TYRO3: variants seen among roughly 807,000 people sequenced by gnomAD.
TYRO3 encodes the protein TYRO3 protein tyrosine kinase.
A neutral mutation model predicts 95.2 loss-of-function variants in TYRO3; 38 were observed. The observed-to-expected ratio is 0.40, with a 90% confidence interval of 0.31 to 0.52. The LOEUF (loss-of-function observed/expected upper bound fraction) is 0.52, where lower values mean the gene tolerates loss of function less well. Ranked by LOEUF, TYRO3 falls within the 20% of genes least tolerant of loss-of-function variation. The pLI is 0.56. For synonymous variants in TYRO3, 367 were observed against 432.9 expected (o/e 0.85, Z 1.89); for missense variants, 812 against 1,116.4 (o/e 0.73, Z 3.89).
chr15:41,569,297 T>TA lies in TYRO3; in HGVS notation c.1252+293dup, dbSNP rs35205912. On this transcript the variant is annotated intron_variant, in intron 9 of 18. Transcript: ENST00000263798. ...CAAGACTCTGTCTCTACAAAAAAATTAAAAAAAAAAAAAAAAAACAATTAG... is the reference window on the plus strand; with the variant it reads ...CAAGACTCTGTCTCTACAAAAAAATTAAAAAAAAAAAAAAAAAAACAATTAG... Among the ~76,000 whole-genome samples, 311 of 138,582 alleles carry TA rather than the reference T, an allele frequency of 2.2e-3. 1 individual carries two copies. Among genetic ancestry groups the TA allele is most frequent in the African/African-American group, 5.2e-3 (191 of 36,970 alleles). 90.9% of individuals were successfully genotyped at this position (138,582 alleles called of 152,430 possible).
At chr15:41,576,462 G>A (rs944994700) in intron 18 of TYRO3, among the ~76,000 whole-genome samples, 14 of 151,820 alleles carry the variant, frequency 9.2e-5, no homozygotes, top group African/African-American at 3.4e-4. Context: ...CAAAGGGCTG[G>A]GATGACAGGT....
rs735149 is a variant in TYRO3 at position 41,562,181 on chromosome 15, C to A, written c.410-367C>A. On this transcript the variant is annotated intron_variant, in intron 3 of 18. Coordinates refer to ENST00000263798, the MANE Select transcript of TYRO3 (RefSeq NM_006293.4). ...TCCAAATCTGCCATGCCTAAGGGGG[C>A]AGCATGGAAGATGTGTCTAAGGTGC... 1,536 of 190,880 alleles carry A rather than the reference C, an allele frequency of 8.0e-3. 28 individuals are homozygous for A. The highest frequency in any genetic ancestry group is 0.034 in the African/African-American group (1,442 of 42,214). The allele number at this position is 190,880 out of a possible 1,614,324, so 11.8% of individuals were successfully genotyped here.
chr15:41,578,013 T>C lies in TYRO3; in HGVS notation c.2410T>C (p.Tyr804His). The change falls in exon 19 of 19, where the codon TAC becomes CAC. Residue 804 changes from tyrosine (Y) to histidine (H), a missense_variant. Coordinates refer to ENST00000263798, the MANE Select transcript of TYRO3 (RefSeq NM_006293.4). Reference protein sequence around the residue: ...SVLSASQDPLYINIERAEEPT... With the variant: ...SVLSASQDPLHINIERAEEPT... ...GCTATCTGCCAGCCAGGACCCCTTATACATCAACATCGAGAGAGCTGAGGA... is the reference window on the plus strand; with the variant it reads ...GCTATCTGCCAGCCAGGACCCCTTACACATCAACATCGAGAGAGCTGAGGA... 1 of 1,614,066 alleles carries C rather than the reference T, an allele frequency of 6.2e-7. No homozygotes were observed. Among genetic ancestry groups the C allele is most frequent in the Non-Finnish European group, 8.5e-7 (1 of 1,180,034 alleles).
intron 15 of TYRO3, among the ~76,000 whole-genome samples, 173 bp from the exon 16 acceptor site, chr15:41,572,829 G>A (rs1158182901): frequency 1.3e-5 from 2 of 152,328 alleles, no homozygotes; most frequent in Non-Finnish European, 2.9e-5. Context: ...TCGTCTTCCA[G>A]GCTCCCTCTT....
chr15:41,560,426 T>C (rs866869646), intron 1 of TYRO3, among the ~76,000 whole-genome samples: 1,860 of 134,270 alleles, frequency 0.014, 40 homozygotes, highest in African/African-American at 0.045. Context: ...TGTGTGTGTG[T>C]GTGCGCGCGC....
Position 41,579,949 on chromosome 15 carries a change from G to A in TYRO3, c.*1673G>A, listed in dbSNP as rs2055905656. On this transcript the variant is annotated 3_prime_UTR_variant, in exon 19 of 19. Coordinates refer to ENST00000263798, the MANE Select transcript of TYRO3 (RefSeq NM_006293.4). ...ATTTTTTGTATTTTTAGTAGAGATA[G>A]GGTTTCACCGTATTAGCCAGGATGA... The A allele has an allele frequency of 6.6e-6, 1 of 151,356 alleles. No individual in the cohort carries two copies. Among genetic ancestry groups the A allele is most frequent in the Non-Finnish European group, 1.5e-5 (1 of 67,906 alleles). The allele number at this position is 151,356 out of a possible 1,614,324, so 9.4% of individuals were successfully genotyped here. A position where few individuals can be genotyped will look rare whatever the true frequency, so the allele number is the denominator to read the frequency against.
chr15:41,568,871 G>A lies in TYRO3; in HGVS notation c.1108-7G>A, dbSNP rs1490170549. Reference sequence around the variant, plus strand: ...CACTATGGGGTGGGGGCTTTTCCTGGCTGCAGGATGAGCTGACAGTGGAGG... The same window carrying A: ...CACTATGGGGTGGGGGCTTTTCCTGACTGCAGGATGAGCTGACAGTGGAGG... On this transcript the variant is annotated splice_region_variant and splice_polypyrimidine_tract_variant and intron_variant, in intron 8 of 18. Coordinates refer to ENST00000263798, the MANE Select transcript of TYRO3 (RefSeq NM_006293.4). The A allele has an allele frequency of 6.7e-7, 1 of 1,500,176 alleles. No homozygotes were observed. The highest frequency in any genetic ancestry group is 9.1e-7 in the Non-Finnish European group (1 of 1,101,760). 92.9% of individuals were successfully genotyped at this position (1,500,176 alleles called of 1,614,324 possible).
Position 41,571,656 on chromosome 15 carries a change from G to A in TYRO3, c.1722G>A (p.Glu574=), listed in dbSNP as rs2055797368. The A allele has an allele frequency of 6.2e-7, 1 of 1,613,750 alleles. No individual in the cohort carries two copies. The highest frequency in any genetic ancestry group is 8.5e-7 in the Non-Finnish European group (1 of 1,179,664). The change falls in exon 14 of 19, where the codon GAG becomes GAA. Residue 574 remains glutamate (E), a synonymous_variant. Transcript: ENST00000263798. ...EFLREAACMK[E]FDHPHVAKLV... Reference sequence around the variant, plus strand: ...TCAGGGAAGCAGCTTGCATGAAGGAGTTTGACCATCCACACGTGGCCAAAC... The same window carrying A: ...TCAGGGAAGCAGCTTGCATGAAGGAATTTGACCATCCACACGTGGCCAAAC...
chr15:41,575,847 GCTCACGCCC>G (rs1336499992), intron 18 of TYRO3, among the ~76,000 whole-genome samples: 1 of 152,138 alleles, frequency 6.6e-6, no homozygotes, highest in Non-Finnish European at 1.5e-5. Flanking sequence ...GGGGACGGTG[GCTCACGCCC>G]GTAATCCCAG....
At chr15:41,569,925 C>T in intron 9 of TYRO3, 102 bp from the exon 10 acceptor site, 4 of 1,459,168 alleles carry the variant, frequency 2.7e-6, no homozygotes, top group South Asian at 1.3e-5. Flanking sequence ...CCTTATTGAC[C>T]TAGAGGAGCC....
intron 1 of TYRO3, 103 bp downstream of exon 1, chr15:41,559,484 G>T (rs913575601): frequency 2.2e-5 from 6 of 273,056 alleles, no homozygotes; most frequent in Admixed American, 5.3e-5. Flanking sequence ...TCGGGGTGGG[G>T]GTCCGGAGCC....
At chr15:41,570,506 T>C in intron 11 of TYRO3, 98 bp from the exon 12 acceptor site, 1 of 1,348,224 alleles carries the variant, frequency 7.4e-7, no homozygotes, top group South Asian at 1.2e-5. Context: ...AGACCTAAGC[T>C]CATCTCTATG....
chr15:41,571,203 C>A, intron 13 of TYRO3, 85 bp downstream of exon 13: 1 of 1,334,056 alleles, frequency 7.5e-7, no homozygotes, highest in South Asian at 1.2e-5. Context: ...CTGCTTTGCC[C>A]CTAGATTTTC....
At chr15:41,563,565 T>G (rs974476511) in intron 4 of TYRO3, among the ~76,000 whole-genome samples, 3 of 152,060 alleles carry the variant, frequency 2.0e-5, no homozygotes, top group African/African-American at 4.8e-5. Context: ...GGAGGTTGGG[T>G]TCACTTCCTT....
At chr15:41,574,871 C>T (rs1012314788) in intron 18 of TYRO3, among the ~76,000 whole-genome samples, 1 of 152,326 alleles carries the variant, frequency 6.6e-6, no homozygotes, top group South Asian at 2.1e-4. Flanking sequence ...AGGCACGTGC[C>T]ACCACACTCG....
chr15:41,569,060 G>T, intron 9 of TYRO3, 38 bp downstream of exon 9: 1 of 1,609,796 alleles, frequency 6.2e-7, no homozygotes, highest in South Asian at 1.1e-5. Context: ...AGGCTCAGGG[G>T]ATCAAGGTTT....
At position 41,578,666 on chromosome 15, in the gene TYRO3, G is replaced by A; in HGVS notation, c.*390G>A. On this transcript the variant is annotated 3_prime_UTR_variant, in exon 19 of 19. Transcript: ENST00000263798. ...CCCCTGCTGCTTAAGTGCATGCATT[G>A]AGCTGCCTCCAGCCTGGTGGCCCAG... is the stretch of plus-strand genomic sequence containing the variant. 1 of 268,276 alleles carries A rather than the reference G, an allele frequency of 3.7e-6. No homozygotes were observed. Among genetic ancestry groups the A allele is most frequent in the South Asian group, 6.7e-5 (1 of 14,844 alleles). The allele number at this position is 268,276 out of a possible 1,614,324, so 16.6% of individuals were successfully genotyped here.
At chr15:41,563,035 CT>C (rs934723807) in intron 4 of TYRO3, among the ~76,000 whole-genome samples, 1 of 152,076 alleles carries the variant, frequency 6.6e-6, no homozygotes, top group Non-Finnish European at 1.5e-5. Context: ...TCCCCCACCC[CT>C]CCCAAGGAAA....
At position 41,562,628 on chromosome 15, in the gene TYRO3, G is replaced by T; in HGVS notation, c.490G>T (p.Gly164Cys). ...APFQLSCEAV[G>C]PPEPVTIVWW... ...TTTCCAACTGTCTTGTGAGGCTGTG[G>T]GTCCCCCTGAACCTGTTACCATTGT... Residue 164 changes from glycine to cysteine, a missense_variant, in exon 4 of 19, where the codon GGT (glycine) becomes TGT (cysteine). By Grantham distance (159) the Gly-to-Cys change is radical (BLOSUM62 -3). Coordinates refer to ENST00000263798, the MANE Select transcript of TYRO3 (RefSeq NM_006293.4). 6.2e-7 allele frequency: 1 copy of T among 1,614,042 alleles called. No individual in the cohort carries two copies. Among genetic ancestry groups the T allele is most frequent in the Non-Finnish European group, 8.5e-7 (1 of 1,180,046 alleles).
Sources: gnomAD v4.1 joint callset for allele counts (sites outside exome capture counted in the v4.1 genomes callset) on GRCh38, gnomAD v4.1.1 for gene constraint, MANE v1.5 for transcripts, NCBI Gene and HGNC (gene_info 2026-07-23, HGNC 2026-07-21) for gene names.